Variants in TBC1D19 observed in about 807,000 individuals in gnomAD.
TBC1D19 encodes the protein TBC1 domain family member 19.
TBC1D19 carries 60 observed loss-of-function variants against 89.0 expected under a neutral mutation model. That is an observed-to-expected ratio of 0.67 (90% confidence interval 0.55 to 0.84). The LOEUF (loss-of-function observed/expected upper bound fraction) is 0.84. TBC1D19 is among the 40% of genes least tolerant of loss of function. The pLI is 0.00. For missense variants in TBC1D19, 500 were observed against 610.8 expected (o/e 0.82, Z 1.91); for synonymous variants, 189 against 199.7 (o/e 0.95, Z 0.45).
At chr4:26,670,233 A>G (rs1712172572) in intron 9 of TBC1D19, among the ~76,000 whole-genome samples, 1 of 150,370 alleles carries the variant, frequency 6.7e-6, no homozygotes, top group Admixed American at 6.7e-5. Context: ...ATATATAATC[A>G]TTTTATATAT....
rs543564598 is a variant in TBC1D19 at position 26,711,079 on chromosome 4, C to T, written c.955-6854C>T. Among the ~76,000 whole-genome samples, 14 of 152,084 alleles carry T rather than the reference C, an allele frequency of 9.2e-5. No individual in the cohort carries two copies. The East Asian group carries it at 9.6e-4, about 10-fold the overall frequency. On this transcript the variant is annotated intron_variant, in intron 13 of 20. Coordinates refer to ENST00000264866, the MANE Select transcript of TBC1D19 (RefSeq NM_018317.4). Reference sequence around the variant, plus strand: ...TGGCTTTTGTTGCCATTGCTTTTGGCGTTTTAGACATGAAGTCCTTGCCCA... The same window carrying T: ...TGGCTTTTGTTGCCATTGCTTTTGGTGTTTTAGACATGAAGTCCTTGCCCA...
At chr4:26,795,458 G>A in the TBC1D19 span, among the ~76,000 whole-genome samples, 1 of 152,048 alleles carries the variant, frequency 6.6e-6, no homozygotes, top group Non-Finnish European at 1.5e-5. Context: ...TCACTCTAAC[G>A]TAAGCTCTGT....
intron 7 of TBC1D19, among the ~76,000 whole-genome samples, chr4:26,651,719 G>T (rs1281329112): frequency 6.6e-6 from 1 of 152,116 alleles, no homozygotes; most frequent in South Asian, 2.1e-4. Flanking sequence ...TCTCCTGCCT[G>T]ATTGCCATGG....
the TBC1D19 span, among the ~76,000 whole-genome samples, chr4:26,765,451 G>T: frequency 2.6e-5 from 4 of 151,500 alleles, no homozygotes; most frequent in Admixed American, 6.6e-5. Context: ...AAAGAGGTAG[G>T]GGGGGATGGT....
the TBC1D19 span, among the ~76,000 whole-genome samples, chr4:26,855,453 C>A: frequency 6.6e-6 from 1 of 152,166 alleles, no homozygotes; most frequent in African/African-American, 2.4e-5. Flanking sequence ...TTACAACAAC[C>A]CTCTATCTAG....
At chr4:26,650,665 C>T (rs1162774769) in intron 7 of TBC1D19, among the ~76,000 whole-genome samples, 5 of 152,080 alleles carry the variant, frequency 3.3e-5, no homozygotes, top group Non-Finnish European at 7.4e-5. Context: ...CTGTAGGTTG[C>T]CTGTTCACTC....
At chr4:26,613,136 A>G (rs773508740) in intron 1 of TBC1D19, 33 bp from the exon 2 acceptor site, 1 of 1,376,122 alleles carries the variant, frequency 7.3e-7, no homozygotes, top group Non-Finnish European at 9.9e-7. Flanking sequence ...TTCCTTCCTT[A>G]TCTTTCTTTT....
chr4:26,732,151 T>C (rs1236296076), intron 15 of TBC1D19, among the ~76,000 whole-genome samples: 1 of 152,196 alleles, frequency 6.6e-6, no homozygotes, highest in African/African-American at 2.4e-5. Context: ...TTTGATAAGA[T>C]ACACCCACCC....
At chr4:26,795,310 C>T in the TBC1D19 span, among the ~76,000 whole-genome samples, 1 of 152,162 alleles carries the variant, frequency 6.6e-6, no homozygotes, top group African/African-American at 2.4e-5. Flanking sequence ...TTCCTGATCA[C>T]CTTATTTAAA....
chr4:26,687,950 T>C (rs1158731198), intron 12 of TBC1D19, among the ~76,000 whole-genome samples: 2 of 152,174 alleles, frequency 1.3e-5, no homozygotes, highest in Non-Finnish European at 2.9e-5. Flanking sequence ...ATATTTGGTC[T>C]TTTGTGGGAA....
At chr4:26,720,889 A>G (rs1417210586) in intron 15 of TBC1D19, among the ~76,000 whole-genome samples, 1 of 152,130 alleles carries the variant, frequency 6.6e-6, no homozygotes, top group Non-Finnish European at 1.5e-5. Context: ...TATGGTATAT[A>G]AAACCACAAA....
chr4:26,679,692 A>G lies in TBC1D19; in HGVS notation c.817-3983A>G, dbSNP rs10014462. Among the ~76,000 whole-genome samples, 874 of 152,312 alleles carry G rather than the reference A, an allele frequency of 5.7e-3. 8 individuals carry two copies. Among genetic ancestry groups the G allele is most frequent in the African/African-American group, 0.019 (807 of 41,580 alleles). On this transcript the variant is annotated intron_variant, in intron 11 of 20. Transcript: ENST00000264866. Reference sequence around the variant, plus strand: ...TGCCTGGAAAAGCTGCAGACACCCAATGCCAGCCTGTGAAAGCAGCTGTGA... The same window carrying G: ...TGCCTGGAAAAGCTGCAGACACCCAGTGCCAGCCTGTGAAAGCAGCTGTGA...
the TBC1D19 span, among the ~76,000 whole-genome samples, chr4:26,823,328 G>C: frequency 6.6e-6 from 1 of 152,170 alleles, no homozygotes; most frequent in Non-Finnish European, 1.5e-5. Flanking sequence ...GCTGAGATTT[G>C]GGTGGGGATG....
At chr4:26,715,992 C>T (rs1716576573) in intron 13 of TBC1D19, among the ~76,000 whole-genome samples, 1 of 152,092 alleles carries the variant, frequency 6.6e-6, no homozygotes, top group Admixed American at 6.6e-5. Context: ...GATTAGATAT[C>T]ACCTTCTCAA....
chr4:26,841,503 C>T, the TBC1D19 span, among the ~76,000 whole-genome samples: 1 of 152,086 alleles, frequency 6.6e-6, no homozygotes, highest in East Asian at 1.9e-4. Flanking sequence ...TGCCCATCTG[C>T]TATGGGCTGG....
rs372667880 is a variant in TBC1D19 at position 26,595,213 on chromosome 4, A to T, written c.99+10921A>T. ...TGATATTAAGTATCCTTTTATGTTT[A>T]TTTGCCATCTGTGTGTCTTCTTTAG... On this transcript the variant is annotated intron_variant, in intron 1 of 20. Transcript: ENST00000264866. 2.0e-5 allele frequency among the ~76,000 whole-genome samples: 3 copies of T among 152,040 alleles called. No individual in the cohort carries two copies. The South Asian group carries it at 6.2e-4, about 32-fold the overall frequency.
rs1252175150 is a variant in TBC1D19 at position 26,597,542 on chromosome 4, TTA to T, written c.99+13251_99+13252del. On this transcript the variant is annotated intron_variant, in intron 1 of 20. Transcript: ENST00000264866. ...TAGAGTCTTTTTTTTTTTTTTTTTT[TTA>T]AGTAGAGACGGGGTTTCACCATGTT... Among the ~76,000 whole-genome samples, 440 of 149,310 alleles carry T rather than the reference TTA, an allele frequency of 2.9e-3. 6 individuals are homozygous for T. The highest frequency in any genetic ancestry group is 0.01 in the African/African-American group (416 of 40,912).
At chr4:26,823,803 C>T in the TBC1D19 span, among the ~76,000 whole-genome samples, 1 of 152,242 alleles carries the variant, frequency 6.6e-6, no homozygotes, top group Non-Finnish European at 1.5e-5. Context: ...TCTAGCCAGA[C>T]CTTAGGCAGC....
the TBC1D19 span, among the ~76,000 whole-genome samples, chr4:26,770,702 A>G: frequency 6.6e-6 from 1 of 152,120 alleles, no homozygotes; most frequent in African/African-American, 2.4e-5. Context: ...TGAGTATAAA[A>G]TATATTTTGG....
Sources: allele counts gnomAD v4.1 joint callset (sites outside exome capture counted in the v4.1 genomes callset), GRCh38; gene constraint gnomAD v4.1.1; transcripts MANE v1.5; gene names NCBI Gene and HGNC (gene_info 2026-07-23, HGNC 2026-07-21).